The following BARX2 variants were observed in gnomAD, a reference collection of about 807,000 sequenced individuals.
The protein encoded by BARX2 is BARX homeobox 2.
BARX2 carries 11 observed loss-of-function variants against 25.5 expected under a neutral mutation model. The ratio of observed to expected loss-of-function variants is 0.43; its 90% CI spans 0.27 to 0.71. The LOEUF is 0.71. Ranked by LOEUF, BARX2 falls within the 30% of genes least tolerant of loss-of-function variation. BARX2 has a pLI of 0.19. For missense variants in BARX2, 360 were observed against 359.9 expected, an observed-to-expected ratio of 1.00 and a Z score of 0.00; for synonymous variants, 137 against 149.5, an observed-to-expected ratio of 0.92 and a Z score of 0.61.
intron 1 of BARX2, among the ~76,000 whole-genome samples, chr11:129,385,931 G>C (rs1449046575): frequency 6.6e-6 from 1 of 152,166 alleles, no homozygotes; most frequent in Non-Finnish European, 1.5e-5. Flanking sequence ...TTTAAATACA[G>C]AGCTTGTTGT....
chr11:129,450,986 A>C lies in BARX2; in HGVS notation c.574-150A>C, dbSNP rs1862391464. 1.0e-5 allele frequency: 9 copies of C among 867,788 alleles called. No individual in the cohort carries two copies. The South Asian group carries it at 1.5e-4, about 14-fold the overall frequency. The allele number at this position is 867,788 out of a possible 1,614,324, so 53.8% of individuals were successfully genotyped here. ...AAATGGAGGTGTCTTTGTAGACCAG[A>C]GGTGATGGGTTGAGAATATATTTTG... is the stretch of plus-strand genomic sequence containing the variant. On this transcript the variant is annotated intron_variant, in intron 3 of 3. Transcript: ENST00000281437.
intron 2 of BARX2, among the ~76,000 whole-genome samples, chr11:129,440,239 C>T (rs1862241174): frequency 6.6e-6 from 1 of 152,248 alleles, no homozygotes; most frequent in African/African-American, 2.4e-5. Context: ...AAGCTGATGA[C>T]AGTGAAGCAT....
intron 1 of BARX2, among the ~76,000 whole-genome samples, chr11:129,385,106 C>T (rs1462350898): frequency 6.6e-6 from 1 of 152,136 alleles, no homozygotes; most frequent in Non-Finnish European, 1.5e-5. Context: ...ATATGAGATA[C>T]CATTTCACAC....
In BARX2 at chr11:129,400,121, A is replaced by G. The variant is rs190496190; in HGVS notation, c.187+23899A>G. ...TATCTAGTGAGCACCTTCATTTGGG[A>G]GAGGAGAAGTAGAAGTTTAACTCAG... is the stretch of plus-strand genomic sequence containing the variant. On this transcript the variant is annotated intron_variant, in intron 1 of 3. Coordinates refer to ENST00000281437, the MANE Select transcript of BARX2 (RefSeq NM_003658.5). 1.2e-4 allele frequency among the ~76,000 whole-genome samples: 19 copies of G among 152,258 alleles called. No individual in the cohort carries two copies. In the East Asian group the frequency reaches 2.5e-3, roughly 20 times the overall value.
At chr11:129,405,901 G>A (rs1197239427) in intron 1 of BARX2, among the ~76,000 whole-genome samples, 2 of 152,104 alleles carry the variant, frequency 1.3e-5, no homozygotes, top group Non-Finnish European at 2.9e-5. Flanking sequence ...GACCACTCCA[G>A]GCAGAAGTAT....
chr11:129,397,676 C>T (rs148706774), intron 1 of BARX2, among the ~76,000 whole-genome samples: 13 of 152,324 alleles, frequency 8.5e-5, no homozygotes, highest in East Asian at 1.9e-4. Flanking sequence ...CCCCTGCCCT[C>T]GTTCTTGTGG....
At chr11:129,411,787 C>T (rs1291453412) in intron 1 of BARX2, among the ~76,000 whole-genome samples, 1 of 152,172 alleles carries the variant, frequency 6.6e-6, no homozygotes, top group African/African-American at 2.4e-5. Flanking sequence ...GGTGGGGCCT[C>T]AGCATTAATA....
In BARX2 at chr11:129,437,179, T is replaced by A. The variant is rs184927721; in HGVS notation, c.488+128T>A. The A allele has an allele frequency of 4.6e-6, 5 of 1,083,866 alleles. No homozygotes were observed. In the Admixed American group the frequency reaches 1.3e-4, roughly 28 times the overall value. The allele number at this position is 1,083,866 out of a possible 1,614,324, so 67.1% of individuals were successfully genotyped here. A position where few individuals can be genotyped will look rare whatever the true frequency, so the allele number is the denominator to read the frequency against. ...GGACACTATGGCGGAGTCCACTCCTTGGCTCAAATCATCTCAACCTTGGTT... is the reference window on the plus strand; with the variant it reads ...GGACACTATGGCGGAGTCCACTCCTAGGCTCAAATCATCTCAACCTTGGTT... On this transcript the variant is annotated intron_variant, in intron 2 of 3. Transcript: ENST00000281437.
At chr11:129,416,247 G>A (rs903937517) in intron 1 of BARX2, among the ~76,000 whole-genome samples, 3 of 152,180 alleles carry the variant, frequency 2.0e-5, no homozygotes, top group African/African-American at 4.8e-5. Flanking sequence ...GAATCGTGTC[G>A]TAGATTGTTG....
intron 1 of BARX2, among the ~76,000 whole-genome samples, chr11:129,380,262 T>C (rs1286809126): frequency 6.6e-6 from 1 of 152,072 alleles, no homozygotes; most frequent in East Asian, 1.9e-4. Context: ...GTTTATCTTT[T>C]AGGAGGTGGC....
At chr11:129,384,307 A>G (rs1397405443) in intron 1 of BARX2, among the ~76,000 whole-genome samples, 4 of 151,956 alleles carry the variant, frequency 2.6e-5, no homozygotes, top group Non-Finnish European at 5.9e-5. Context: ...TTCTTATTCA[A>G]GGATTACTTA....
chr11:129,384,861 T>C (rs1861602973), intron 1 of BARX2, among the ~76,000 whole-genome samples: 1 of 152,238 alleles, frequency 6.6e-6, no homozygotes, highest in African/African-American at 2.4e-5. Context: ...TCAGTGCTTT[T>C]TGATCAGCTT....
At chr11:129,392,681 G>A (rs183157842) in intron 1 of BARX2, among the ~76,000 whole-genome samples, 2 of 151,704 alleles carry the variant, frequency 1.3e-5, no homozygotes, top group South Asian at 2.1e-4. Flanking sequence ...GTATGATCTC[G>A]GCCCACTGCA....
intron 3 of BARX2, among the ~76,000 whole-genome samples, chr11:129,449,602 C>G (rs571528210): frequency 6.6e-6 from 1 of 152,284 alleles, no homozygotes; most frequent in South Asian, 2.1e-4. Flanking sequence ...TTATCCCTGT[C>G]TGCCTCCTGG....
chr11:129,419,223 T>A (rs975027180), intron 1 of BARX2, among the ~76,000 whole-genome samples: 6 of 152,246 alleles, frequency 3.9e-5, no homozygotes, highest in African/African-American at 1.4e-4. Flanking sequence ...CTTACCCTAC[T>A]TCATTTTATT....
At chr11:129,395,606 T>A (rs1162390051) in intron 1 of BARX2, among the ~76,000 whole-genome samples, 5 of 152,160 alleles carry the variant, frequency 3.3e-5, no homozygotes, top group Non-Finnish European at 7.4e-5. Context: ...CAGCCCTCTC[T>A]CTCTGCACCC....
At chr11:129,411,776 G>A (rs929905321) in intron 1 of BARX2, among the ~76,000 whole-genome samples, 12 of 152,318 alleles carry the variant, frequency 7.9e-5, no homozygotes, top group East Asian at 1.9e-4. Context: ...GAATCTCTGC[G>A]GGTGGGGCCT....
At chr11:129,441,425 A>C (rs1862255830) in intron 2 of BARX2, among the ~76,000 whole-genome samples, 1 of 152,150 alleles carries the variant, frequency 6.6e-6, no homozygotes, top group Non-Finnish European at 1.5e-5. Context: ...CAATTCTGAT[A>C]TTGTAGCACA....
At chr11:129,388,695 C>G (rs1480806284) in intron 1 of BARX2, among the ~76,000 whole-genome samples, 1 of 152,140 alleles carries the variant, frequency 6.6e-6, no homozygotes, top group Non-Finnish European at 1.5e-5. Context: ...GGAGTGGATT[C>G]TGGGAATCTC....
Sources: allele counts gnomAD v4.1 joint callset (sites outside exome capture counted in the v4.1 genomes callset), GRCh38; gene constraint gnomAD v4.1.1; transcripts MANE v1.5; gene names NCBI Gene and HGNC (gene_info 2026-07-23, HGNC 2026-07-21).